UBE2E3: variants seen among roughly 807,000 people sequenced by gnomAD.
UBE2E3 encodes ubiquitin conjugating enzyme E2 E3.
UBE2E3 carries 5 observed loss-of-function variants against 23.6 expected under a neutral mutation model. The observed-to-expected ratio is 0.21, with a 90% CI of 0.11 to 0.44. The LOEUF (loss-of-function observed/expected upper bound fraction) is 0.44, where lower values mean the gene tolerates loss of function less well. Ranked by LOEUF, UBE2E3 falls within the 20% of genes least tolerant of loss-of-function variation. The probability of loss-of-function intolerance (pLI) is 0.99; values close to 1 mark genes in which losing one functional copy is unlikely to be tolerated. For synonymous variants in UBE2E3, 78 were observed against 87.5 expected (o/e 0.89, Z 0.60); for missense variants, 81 against 249.8 (o/e 0.32, Z 4.55).
At chr2:181,029,797 G>A (rs926930683) in intron 3 of UBE2E3, among the ~76,000 whole-genome samples, 2 of 147,066 alleles carry the variant, frequency 1.4e-5, no homozygotes, top group Non-Finnish European at 3.0e-5. Context: ...GATGTTTGGC[G>A]TGGGTGTTTG....
chr2:180,983,029 T>G (rs1198240504), intron 2 of UBE2E3, among the ~76,000 whole-genome samples: 2 of 152,208 alleles, frequency 1.3e-5, no homozygotes, highest in East Asian at 3.8e-4. Flanking sequence ...AAAAAAAGAT[T>G]CTGTCAATGA....
At chr2:181,007,184 A>G (rs1247575937) in intron 3 of UBE2E3, among the ~76,000 whole-genome samples, 1 of 152,178 alleles carries the variant, frequency 6.6e-6, no homozygotes, top group Admixed American at 6.5e-5. Flanking sequence ...ATTTGGATAA[A>G]TCAGATCTTA....
intron 3 of UBE2E3, among the ~76,000 whole-genome samples, chr2:180,998,526 A>G: frequency 6.6e-6 from 1 of 152,068 alleles, no homozygotes; most frequent in East Asian, 1.9e-4. Context: ...AACAATTAAG[A>G]TCATGTTTCC....
intron 3 of UBE2E3, among the ~76,000 whole-genome samples, chr2:181,036,081 G>GCAGGCAA (rs750899215): frequency 1.3e-5 from 2 of 152,158 alleles, no homozygotes; most frequent in African/African-American, 4.8e-5. Flanking sequence ...TTGGCTCACA[G>GCAGGCAA]CAGGCAACAG....
intron 3 of UBE2E3, among the ~76,000 whole-genome samples, chr2:181,021,590 TCCTCCCTC>T (rs1685689657): frequency 5.7e-5 from 3 of 52,448 alleles, no homozygotes; most frequent in East Asian, 8.6e-4. Context: ...CTCCCTTCCT[TCCTCCCTC>T]CCTTCCTTCC....
At chr2:181,016,944 A>C (rs543421476) in intron 3 of UBE2E3, among the ~76,000 whole-genome samples, 1 of 152,336 alleles carries the variant, frequency 6.6e-6, no homozygotes, top group African/African-American at 2.4e-5. Flanking sequence ...TAGAAGCCAG[A>C]GCCTGGAAAT....
At position 181,022,722 on chromosome 2, in the gene UBE2E3, C is replaced by CA. The variant is rs201442655; in HGVS notation, c.246-34962dup. ...AAAAAGCATGGTACTAAGTAGGCTGCAAAAAAAAACAAAAAACAAAAAAAA... is the reference window on the plus strand; with the variant it reads ...AAAAAGCATGGTACTAAGTAGGCTGCAAAAAAAAAACAAAAAACAAAAAAAA... On this transcript the variant is annotated intron_variant, in intron 3 of 5. Transcript: ENST00000410062. Among the ~76,000 whole-genome samples, 85 of 142,514 alleles carry CA rather than the reference C, an allele frequency of 6.0e-4. 2 individuals carry two copies. The East Asian group carries it at 0.01, about 17-fold the overall frequency. The allele number at this position is 142,514 out of a possible 152,430, so 93.5% of individuals were successfully genotyped here. A position where few individuals can be genotyped will look rare whatever the true frequency, so the allele number is the denominator to read the frequency against.
chr2:181,058,967 CTT>C (rs1687058809), intron 4 of UBE2E3, among the ~76,000 whole-genome samples: 2 of 151,694 alleles, frequency 1.3e-5, no homozygotes, highest in Admixed American at 6.6e-5. Context: ...GAAAAAGACT[CTT>C]AAGTTTTCCT....
intron 3 of UBE2E3, among the ~76,000 whole-genome samples, chr2:181,031,983 G>C (rs1362280323): frequency 6.6e-6 from 1 of 152,140 alleles, no homozygotes; most frequent in East Asian, 1.9e-4. Context: ...ATGCCATGTA[G>C]CCTGTTCTTA....
intron 3 of UBE2E3, among the ~76,000 whole-genome samples, chr2:181,036,294 T>A (rs6761219): frequency 0.045 from 6,835 of 152,242 alleles, 223 homozygotes; most frequent in African/African-American, 0.088. Flanking sequence ...TCAGCAGAAA[T>A]GCCAAGGTAA....
At chr2:181,001,827 A>C (rs1040198241) in intron 3 of UBE2E3, among the ~76,000 whole-genome samples, 10 of 152,290 alleles carry the variant, frequency 6.6e-5, no homozygotes, top group African/African-American at 1.9e-4. Flanking sequence ...ATATCTGTTA[A>C]TATACTGTTT....
chr2:181,017,416 G>A (rs192051025), intron 3 of UBE2E3, among the ~76,000 whole-genome samples: 4 of 152,000 alleles, frequency 2.6e-5, no homozygotes, highest in Non-Finnish European at 4.4e-5. Flanking sequence ...GGGCATGAGG[G>A]GGGTGGAAAC....
intron 3 of UBE2E3, among the ~76,000 whole-genome samples, chr2:181,029,887 G>A (rs1433523649): frequency 3.3e-5 from 5 of 150,576 alleles, no homozygotes; most frequent in African/African-American, 1.2e-4. Context: ...GCCAGGTGGG[G>A]GTGCAGTGGT....
chr2:181,023,148 A>G (rs1254789936), intron 3 of UBE2E3, among the ~76,000 whole-genome samples: 1 of 152,202 alleles, frequency 6.6e-6, no homozygotes, highest in East Asian at 1.9e-4. Context: ...CAATAAACCC[A>G]TCCTAACATC....
At chr2:181,060,077 T>C (rs936433616) in intron 4 of UBE2E3, among the ~76,000 whole-genome samples, 2 of 151,694 alleles carry the variant, frequency 1.3e-5, no homozygotes, top group African/African-American at 4.8e-5. Flanking sequence ...TTTATTTTAA[T>C]ATTTTAGCCT....
At chr2:181,000,648 G>A (rs181552350) in intron 3 of UBE2E3, among the ~76,000 whole-genome samples, 19 of 150,830 alleles carry the variant, frequency 1.3e-4, no homozygotes, top group Non-Finnish European at 2.5e-4. Flanking sequence ...TCTGTCTCCC[G>A]GGTTCACGCC....
intron 3 of UBE2E3, among the ~76,000 whole-genome samples, chr2:180,991,137 A>T (rs1684641486): frequency 7.3e-6 from 1 of 136,180 alleles, no homozygotes; most frequent in African/African-American, 2.6e-5. Context: ...CAACCTTATT[A>T]AAAAACCTTT....
intron 3 of UBE2E3, among the ~76,000 whole-genome samples, chr2:180,992,704 C>A (rs1039071048): frequency 2.6e-5 from 4 of 152,068 alleles, no homozygotes; most frequent in African/African-American, 9.7e-5. Flanking sequence ...CTCTGTTACC[C>A]AGGCTAGAGT....
chr2:181,051,302 A>G (rs145097255), intron 3 of UBE2E3, among the ~76,000 whole-genome samples: 15 of 151,776 alleles, frequency 9.9e-5, no homozygotes, highest in South Asian at 2.1e-4. Context: ...ATAATTATCT[A>G]TTTCCTTATT....
Sources: allele counts gnomAD v4.1 joint callset (sites outside exome capture counted in the v4.1 genomes callset), GRCh38; gene constraint gnomAD v4.1.1; transcripts MANE v1.5; gene names NCBI Gene and HGNC (gene_info 2026-07-23, HGNC 2026-07-21).